The following SGCZ variants were observed in gnomAD, a reference collection of about 807,000 sequenced individuals.
SGCZ encodes sarcoglycan zeta, also known as zeta-sarcoglycan.
Under a neutral mutation model 41.3 loss-of-function variants are expected in SGCZ, and 40 were observed. That is an observed-to-expected ratio of 0.97 (90% CI 0.75 to 1.26). The LOEUF is 1.26. Among genes scored for constraint, SGCZ ranks in the 50% most tolerant of loss-of-function variants. The pLI is 0.00. For synonymous variants in SGCZ, 206 were observed against 137.5 expected (o/e 1.50, Z -3.49); for missense variants, 552 against 369.8 (o/e 1.49, Z -4.04).
chr8:15,178,149 G>T (rs997839963), intron 1 of SGCZ, among the ~76,000 whole-genome samples: 4 of 152,084 alleles, frequency 2.6e-5, no homozygotes, highest in Non-Finnish European at 4.4e-5. Context: ...TTTCTCTAAA[G>T]CACTTTCCTT....
At chr8:14,139,629 A>T (rs777681525) in intron 5 of SGCZ, among the ~76,000 whole-genome samples, 28 of 152,176 alleles carry the variant, frequency 1.8e-4, no homozygotes, top group Non-Finnish European at 2.9e-4. Context: ...CCCTCGCAAG[A>T]CTAAACCAGG....
At chr8:14,870,692 C>A (rs1426666964) in intron 1 of SGCZ, among the ~76,000 whole-genome samples, 5 of 150,578 alleles carry the variant, frequency 3.3e-5, no homozygotes, top group African/African-American at 7.3e-5. Flanking sequence ...ATCCATCTGA[C>A]AAAGGGCTAA....
chr8:14,205,742 C>T (rs1355166192), intron 4 of SGCZ, among the ~76,000 whole-genome samples: 1 of 152,026 alleles, frequency 6.6e-6, no homozygotes, highest in Admixed American at 6.6e-5. Flanking sequence ...GGTTGAATGG[C>T]ATAATAATTT....
At chr8:14,883,496 T>C (rs989829692) in intron 1 of SGCZ, among the ~76,000 whole-genome samples, 1 of 152,136 alleles carries the variant, frequency 6.6e-6, no homozygotes, top group Non-Finnish European at 1.5e-5. Flanking sequence ...AACTAAGAGT[T>C]ACTGATCCAA....
At chr8:14,501,911 A>G (rs1215056959) in intron 2 of SGCZ, among the ~76,000 whole-genome samples, 1 of 152,276 alleles carries the variant, frequency 6.6e-6, no homozygotes, top group Non-Finnish European at 1.5e-5. Flanking sequence ...TGAAATAAAA[A>G]TCACTTTATA....
chr8:14,791,701 G>C (rs890523115), intron 1 of SGCZ, among the ~76,000 whole-genome samples: 1 of 152,156 alleles, frequency 6.6e-6, no homozygotes, highest in Non-Finnish European at 1.5e-5. Context: ...CAACCCAGGA[G>C]AATATTATGT....
chr8:14,346,880 T>C (rs774971524), intron 2 of SGCZ, among the ~76,000 whole-genome samples: 7 of 152,108 alleles, frequency 4.6e-5, no homozygotes, highest in Non-Finnish European at 7.4e-5. Context: ...GTTTCCTTTT[T>C]TTCTTTCCCA....
chr8:14,454,422 T>C (rs932771422), intron 2 of SGCZ, among the ~76,000 whole-genome samples: 4 of 152,206 alleles, frequency 2.6e-5, no homozygotes, highest in African/African-American at 9.6e-5. Flanking sequence ...AAATATTTGA[T>C]AGTCATTTCT....
At chr8:14,562,065 C>T (rs2117208732) in intron 1 of SGCZ, among the ~76,000 whole-genome samples, 1 of 152,228 alleles carries the variant, frequency 6.6e-6, no homozygotes, top group Non-Finnish European at 1.5e-5. Flanking sequence ...ATTCTGGTGA[C>T]TTCTACTGAT....
chr8:15,010,933 G>C (rs548545140), intron 1 of SGCZ, among the ~76,000 whole-genome samples: 2 of 152,268 alleles, frequency 1.3e-5, no homozygotes, highest in South Asian at 4.1e-4. Context: ...TAACTTGAGA[G>C]GCAATGAAAC....
At chr8:14,481,199 C>G (rs759973319) in intron 2 of SGCZ, among the ~76,000 whole-genome samples, 1 of 152,004 alleles carries the variant, frequency 6.6e-6, no homozygotes, top group Non-Finnish European at 1.5e-5. Context: ...ATATATGATG[C>G]TTAATTTTGG....
chr8:14,347,772 G>A (rs73518214), intron 2 of SGCZ, among the ~76,000 whole-genome samples: 1,650 of 152,104 alleles, frequency 0.011, 19 homozygotes, highest in African/African-American at 0.025. Flanking sequence ...GAACATCAAT[G>A]AGATTTCTAT....
Position 14,222,792 on chromosome 8 carries a change from A to ATTTTTTTTTTTTTTTTT in SGCZ, c.424+14783_424+14799dup, listed in dbSNP as rs775444301. ...ATTCCACCCTCTCTCAGTCACAGTGATTTTTTTTTTTTTTTTTTTTTTTTT... is the reference window on the plus strand; with the variant it reads ...ATTCCACCCTCTCTCAGTCACAGTGATTTTTTTTTTTTTTTTTTTTTTTTTTTTTTTTTTTTTTTTTT... On this transcript the variant is annotated intron_variant, in intron 4 of 7. Coordinates refer to ENST00000382080, the MANE Select transcript of SGCZ (RefSeq NM_139167.4). Among the ~76,000 whole-genome samples, 6 of 48,896 alleles carry ATTTTTTTTTTTTTTTTT rather than the reference A, an allele frequency of 1.2e-4. 1 individual carries two copies. Among genetic ancestry groups the ATTTTTTTTTTTTTTTTT allele is most frequent in the East Asian group, 8.3e-4 (1 of 1,200 alleles). The allele number at this position is 48,896 out of a possible 152,430, so 32.1% of individuals were successfully genotyped here.
At chr8:14,801,898 G>C (rs1022325592) in intron 1 of SGCZ, among the ~76,000 whole-genome samples, 5 of 152,200 alleles carry the variant, frequency 3.3e-5, no homozygotes, top group African/African-American at 1.2e-4. Context: ...ATGAGAAACT[G>C]ACAAACTGGA....
rs1435706793 is a variant in SGCZ, at chr8:14,363,071, G to T, written c.235-38867C>A. Among the ~76,000 whole-genome samples, 4 of 152,050 alleles carry T rather than the reference G, an allele frequency of 2.6e-5. No individual in the cohort carries two copies. The East Asian group carries it at 7.7e-4, about 29-fold the overall frequency. On this transcript the variant is annotated intron_variant, in intron 2 of 7. Coordinates refer to ENST00000382080, the MANE Select transcript of SGCZ (RefSeq NM_139167.4). ...AGGCCACTTTCATGGTAATAGTCTGGAGGAAAGAGAGAATGTAATAAAATA... is the reference window on the plus strand; with the variant it reads ...AGGCCACTTTCATGGTAATAGTCTGTAGGAAAGAGAGAATGTAATAAAATA...
intron 1 of SGCZ, among the ~76,000 whole-genome samples, chr8:14,839,679 T>G (rs944364808): frequency 6.6e-6 from 1 of 152,192 alleles, no homozygotes; most frequent in African/African-American, 2.4e-5. Context: ...AGGACTTTTT[T>G]GTTAAATTGT....
chr8:14,616,197 G>T (rs1314592848), intron 1 of SGCZ, among the ~76,000 whole-genome samples: 1 of 151,760 alleles, frequency 6.6e-6, no homozygotes, highest in Non-Finnish European at 1.5e-5. Context: ...GCAGGAGAAT[G>T]GCGTGAACCC....
At chr8:14,987,009 C>T (rs945699906) in intron 1 of SGCZ, among the ~76,000 whole-genome samples, 1 of 150,808 alleles carries the variant, frequency 6.6e-6, no homozygotes, top group Non-Finnish European at 1.5e-5. Flanking sequence ...ATATAATTTC[C>T]CTGAAATGAA....
In SGCZ at chr8:14,957,818, A is replaced by G. The variant is rs908965954; in HGVS notation, c.39+279767T>C. 4.6e-5 allele frequency among the ~76,000 whole-genome samples: 7 copies of G among 152,082 alleles called. No homozygotes were observed. In the East Asian group the frequency reaches 1.3e-3, roughly 29 times the overall value. On this transcript the variant is annotated intron_variant, in intron 1 of 7. Transcript: ENST00000382080. ...GTAGTTGGAAATATACATAAAACAA[A>G]AGTCAAGAAATTGTGTCTTTTTGCT...
Sources: allele counts gnomAD v4.1 joint callset (sites outside exome capture counted in the v4.1 genomes callset), GRCh38; gene constraint gnomAD v4.1.1; transcripts MANE v1.5; gene names NCBI Gene and HGNC (gene_info 2026-07-23, HGNC 2026-07-21).